The following SLC38A9 variants were observed in gnomAD, a reference collection of about 807,000 sequenced individuals.
SLC38A9 encodes solute carrier family 38 member 9, also known as neutral amino acid transporter 9.
A neutral mutation model predicts 62.3 loss-of-function variants in SLC38A9; 48 were observed. That is an observed-to-expected ratio of 0.77 (90% confidence interval 0.61 to 0.98). The LOEUF is 0.98. Ranked by LOEUF, SLC38A9 falls within the 50% of genes least tolerant of loss-of-function variation. SLC38A9 has a pLI of 0.00. For missense variants in SLC38A9, 541 were observed against 679.8 expected, an observed-to-expected ratio of 0.80 and a Z score of 2.27; for synonymous variants, 204 against 227.7, an observed-to-expected ratio of 0.90 and a Z score of 0.94.
rs563254284 is a variant in SLC38A9, at chr5:55,643,350, TTC to T, written c.1167+2437_1167+2438del. ...CAATTTGTGAATTTCCCAAATTTCT[TTC>T]TGTTATTGATTTGTATCTTCACTCC... On this transcript the variant is annotated intron_variant, in intron 12 of 15. Transcript: ENST00000396865. Among the ~76,000 whole-genome samples the T allele has an allele frequency of 2.8e-4, 42 of 152,320 alleles. No homozygotes were observed. In the South Asian group the frequency reaches 7.9e-3, roughly 29 times the overall value.
At chr5:55,678,412 C>T (rs149167572) in intron 3 of SLC38A9, among the ~76,000 whole-genome samples, 4 of 152,260 alleles carry the variant, frequency 2.6e-5, no homozygotes, top group African/African-American at 9.6e-5. Flanking sequence ...GCTGGGATTA[C>T]AGGCATGAGC....
At position 55,626,448 on chromosome 5, in the gene SLC38A9, G is replaced by A; in HGVS notation, c.*46C>T. ...TGAATTTATATAGAACTGTTGTCAA[G>A]GCTCAAAATATCATGAGAGCTCTTG... is the stretch of plus-strand genomic sequence containing the variant. On this transcript the variant is annotated 3_prime_UTR_variant, in exon 16 of 16. Coordinates refer to ENST00000396865, the MANE Select transcript of SLC38A9 (RefSeq NM_173514.4). 1 of 1,497,920 alleles carries A rather than the reference G, an allele frequency of 6.7e-7. No individual in the cohort carries two copies. The highest frequency in any genetic ancestry group is 9.2e-7 in the Non-Finnish European group (1 of 1,091,786). 92.8% of individuals were successfully genotyped at this position (1,497,920 alleles called of 1,614,324 possible).
At chr5:55,703,408 A>G (rs1367880626) in intron 2 of SLC38A9, among the ~76,000 whole-genome samples, 1 of 152,204 alleles carries the variant, frequency 6.6e-6, no homozygotes, top group Non-Finnish European at 1.5e-5. Context: ...TTTAAGATAA[A>G]AAGAATAAGT....
intron 1 of SLC38A9, among the ~76,000 whole-genome samples, chr5:55,711,797 C>T (rs184287010): frequency 2.6e-4 from 39 of 152,268 alleles, no homozygotes; most frequent in Admixed American, 2.5e-3. Context: ...GGAGCAAGAC[C>T]CTATCTCAAG....
At chr5:55,638,134 G>A (rs1340844555) in intron 12 of SLC38A9, among the ~76,000 whole-genome samples, 1 of 152,194 alleles carries the variant, frequency 6.6e-6, no homozygotes, top group Non-Finnish European at 1.5e-5. Flanking sequence ...AGCTGCATAT[G>A]TGTTTTCATC....
intron 2 of SLC38A9, among the ~76,000 whole-genome samples, chr5:55,708,428 A>T (rs932038268): frequency 6.6e-6 from 1 of 152,234 alleles, no homozygotes; most frequent in Non-Finnish European, 1.5e-5. Context: ...TATTTTAAAA[A>T]GGTATTGACT....
At chr5:55,667,175 CT>C (rs1220745042) in intron 7 of SLC38A9, among the ~76,000 whole-genome samples, 1 of 151,992 alleles carries the variant, frequency 6.6e-6, no homozygotes, top group African/African-American at 2.4e-5. Flanking sequence ...ATAAAATTAT[CT>C]TTTGACTGAT....
At chr5:55,690,188 C>G (rs184993077) in intron 3 of SLC38A9, among the ~76,000 whole-genome samples, 1 of 152,052 alleles carries the variant, frequency 6.6e-6, no homozygotes, top group South Asian at 2.1e-4. Flanking sequence ...GCATATATCT[C>G]GCTATGTTGC....
chr5:55,668,113 A>G (rs1000778261), intron 7 of SLC38A9, among the ~76,000 whole-genome samples: 2 of 152,232 alleles, frequency 1.3e-5, no homozygotes, highest in Non-Finnish European at 2.9e-5. Context: ...TCCAGGCAGC[A>G]GTGAGCTGTG....
chr5:55,676,816 G>T (rs1752164895), intron 3 of SLC38A9, among the ~76,000 whole-genome samples: 2 of 151,238 alleles, frequency 1.3e-5, no homozygotes, highest in South Asian at 2.1e-4. Flanking sequence ...TCAAGATAAA[G>T]ATGGTATTTT....
chr5:55,694,083 C>T, intron 3 of SLC38A9: 1 of 166,150 alleles, frequency 6.0e-6, no homozygotes, highest in Non-Finnish European at 1.3e-5. Flanking sequence ...TGGCATGCAC[C>T]TGTAGTCCCA....
chr5:55,660,897 G>A (rs10940480), intron 8 of SLC38A9, among the ~76,000 whole-genome samples: 90,901 of 151,684 alleles, frequency 0.6, 27,847 homozygotes, highest in South Asian at 0.7. Flanking sequence ...TAAAAATGAC[G>A]GAATGTTGAT....
intron 3 of SLC38A9, 169 bp from the exon 4 acceptor site, chr5:55,672,864 C>CCTG: frequency 3.4e-6 from 2 of 587,354 alleles, no homozygotes; most frequent in Non-Finnish European, 2.9e-6. Flanking sequence ...AAGTATTATC[C>CCTG]TATCCACAGA....
chr5:55,700,276 G>A (rs1232384391), intron 2 of SLC38A9, among the ~76,000 whole-genome samples: 1 of 151,562 alleles, frequency 6.6e-6, no homozygotes, highest in Non-Finnish European at 1.5e-5. Context: ...GGGAGGCAGA[G>A]GTTGCAGTGA....
At chr5:55,627,493 G>A (rs1742647892) in intron 15 of SLC38A9, among the ~76,000 whole-genome samples, 1 of 152,036 alleles carries the variant, frequency 6.6e-6, no homozygotes, top group African/African-American at 2.4e-5. Flanking sequence ...AAATACTTTT[G>A]AGTAGAAATG....
intron 3 of SLC38A9, among the ~76,000 whole-genome samples, chr5:55,677,576 G>A (rs1024800418): frequency 4.6e-5 from 7 of 151,922 alleles, no homozygotes; most frequent in African/African-American, 1.5e-4. Flanking sequence ...CCATTGTGTC[G>A]CCCAGGCTAG....
intron 3 of SLC38A9, among the ~76,000 whole-genome samples, chr5:55,693,923 A>G (rs1755070970): frequency 6.6e-6 from 1 of 152,146 alleles, no homozygotes. Context: ...AAAATTAGCC[A>G]GGTGCAGTGG....
chr5:55,656,792 A>T lies in SLC38A9; in HGVS notation c.698-18T>A. 1.5e-6 allele frequency: 2 copies of T among 1,353,598 alleles called. No homozygotes were observed. The highest frequency in any genetic ancestry group is 2.1e-6 in the Non-Finnish European group (2 of 953,282). 83.8% of individuals were successfully genotyped at this position (1,353,598 alleles called of 1,614,324 possible). ...AATAAAATCTAAAAATAAAGGAAAA[A>T]ATATAGTTTAACACTGAATGAAAGA... On this transcript the variant is annotated intron_variant, in intron 8 of 15. Transcript: ENST00000396865.
intron 8 of SLC38A9, 135 bp from the exon 9 acceptor site, chr5:55,656,909 A>G (rs1356171419): frequency 5.0e-5 from 20 of 397,262 alleles, no homozygotes; most frequent in Non-Finnish European, 8.7e-5. Flanking sequence ...TGCCCAGGCT[A>G]GAGTGCAGTG....
Sources: gnomAD v4.1 joint callset for allele counts (sites outside exome capture counted in the v4.1 genomes callset) on GRCh38, gnomAD v4.1.1 for gene constraint, MANE v1.5 for transcripts, NCBI Gene and HGNC (gene_info 2026-07-23, HGNC 2026-07-21) for gene names.